MGAT4C: variants seen among roughly 807,000 people sequenced by gnomAD.
The protein encoded by MGAT4C is alpha-1,3-mannosyl-glycoprotein 4-beta-N-acetylglucosaminyltransferase C.
A neutral mutation model predicts 40.1 loss-of-function variants in MGAT4C; 19 were observed. The observed-to-expected ratio is 0.47, with a 90% CI of 0.33 to 0.70. The LOEUF (loss-of-function observed/expected upper bound fraction) is 0.70, where lower values mean the gene tolerates loss of function less well. Among genes scored for constraint, MGAT4C ranks in the 30% least tolerant of loss-of-function variants. The pLI is 0.02. For synonymous variants in MGAT4C, 181 were observed against 187.1 expected (o/e 0.97, Z 0.27); for missense variants, 491 against 563.2 (o/e 0.87, Z 1.30).
At chr12:86,479,651 T>TA (rs1348447198) in intron 2 of MGAT4C, among the ~76,000 whole-genome samples, 4 of 152,060 alleles carry the variant, frequency 2.6e-5, no homozygotes, top group African/African-American at 9.6e-5. Flanking sequence ...ACTATAGTTA[T>TA]AAAAAATGTC....
intron 3 of MGAT4C, among the ~76,000 whole-genome samples, chr12:86,366,824 A>C (rs2136207651): frequency 6.6e-6 from 1 of 152,286 alleles, no homozygotes; most frequent in South Asian, 2.1e-4. Flanking sequence ...AAACTTTCCT[A>C]GTAGCAGACT....
intron 1 of MGAT4C, among the ~76,000 whole-genome samples, chr12:86,079,510 A>C (rs1280979761): frequency 6.6e-6 from 1 of 152,122 alleles, no homozygotes; most frequent in East Asian, 1.9e-4. Flanking sequence ...GAAGTCTTAA[A>C]ATATCTAAGG....
chr12:86,493,714 A>G (rs1452399655), intron 2 of MGAT4C, among the ~76,000 whole-genome samples: 1 of 151,936 alleles, frequency 6.6e-6, no homozygotes, highest in South Asian at 2.1e-4. Flanking sequence ...GAGTTAATGG[A>G]TGCAGCACAC....
chr12:86,329,775 T>C (rs910396491), intron 4 of MGAT4C, among the ~76,000 whole-genome samples: 2 of 152,206 alleles, frequency 1.3e-5, no homozygotes, highest in African/African-American at 4.8e-5. Flanking sequence ...TATTTTAAAG[T>C]GTATATTAAA....
rs113812035 is a variant in MGAT4C, at chr12:86,056,396, C to T, written c.-56-6673G>A. 3.6e-3 allele frequency among the ~76,000 whole-genome samples: 545 copies of T among 152,200 alleles called. 3 individuals are homozygous for T. The highest frequency in any genetic ancestry group is 0.013 in the African/African-American group (520 of 41,528). ...CTATCCCTCCTCCACTCCTCCACCCCCTTAAGGCCCCAGTGTGTGATATTC... is the reference window on the plus strand; with the variant it reads ...CTATCCCTCCTCCACTCCTCCACCCTCTTAAGGCCCCAGTGTGTGATATTC... On this transcript the variant is annotated intron_variant, in intron 1 of 4. Transcript: ENST00000611864.
At chr12:86,470,356 G>A (rs1957741433) in intron 2 of MGAT4C, among the ~76,000 whole-genome samples, 1 of 151,990 alleles carries the variant, frequency 6.6e-6, no homozygotes, top group African/African-American at 2.4e-5. Flanking sequence ...AAAATATGAG[G>A]ACTGAACTTC....
chr12:86,569,705 G>C (rs1298937968), intron 2 of MGAT4C, among the ~76,000 whole-genome samples: 1 of 151,988 alleles, frequency 6.6e-6, no homozygotes, highest in Non-Finnish European at 1.5e-5. Context: ...CCAAAGAAAA[G>C]AAAACCAGTA....
chr12:86,335,945 G>A (rs1954779186), intron 3 of MGAT4C, among the ~76,000 whole-genome samples: 1 of 152,024 alleles, frequency 6.6e-6, no homozygotes, highest in Admixed American at 6.6e-5. Context: ...TCTTGCTGAA[G>A]CGTCCCACTG....
intron 2 of MGAT4C, among the ~76,000 whole-genome samples, chr12:86,589,468 A>C (rs1315339000): frequency 1.3e-5 from 2 of 152,044 alleles, no homozygotes; most frequent in African/African-American, 4.8e-5. Flanking sequence ...GAATTCTACC[A>C]GAGGTACAAG....
chr12:86,446,658 C>CATATATATATATATATATAT lies in MGAT4C; in HGVS notation c.-228-11413_-228-11394dup, dbSNP rs34157468. On this transcript the variant is annotated intron_variant, in intron 2 of 7. Coordinates refer to the MGAT4C transcript ENST00000548651. ...GGACTTAAAATTACATCATGTAACT[C>CATATATATATATATATATAT]ATATATATATATATATATATATATA... 4.2e-4 allele frequency among the ~76,000 whole-genome samples: 15 copies of CATATATATATATATATATAT among 35,320 alleles called. 2 individuals are homozygous for CATATATATATATATATATAT. Among genetic ancestry groups the CATATATATATATATATATAT allele is most frequent in the Non-Finnish European group, 7.3e-4 (13 of 17,900 alleles). 23.2% of individuals were successfully genotyped at this position (35,320 alleles called of 152,430 possible). A position where few individuals can be genotyped will look rare whatever the true frequency, so the allele number is the denominator to read the frequency against.
At chr12:86,758,568 A>T (rs1951346531) in intron 1 of MGAT4C, among the ~76,000 whole-genome samples, 1 of 152,010 alleles carries the variant, frequency 6.6e-6, no homozygotes, top group Non-Finnish European at 1.5e-5. Context: ...ACACTTAGTA[A>T]ATTTCTTATA....
At chr12:86,254,656 A>G (rs1334164250) in intron 1 of MGAT4C, among the ~76,000 whole-genome samples, 4 of 152,164 alleles carry the variant, frequency 2.6e-5, no homozygotes, top group Middle Eastern at 6.8e-3. Flanking sequence ...TTTCAAGCTC[A>G]TATTATCCAA....
chr12:86,325,629 G>A (rs940414873), intron 4 of MGAT4C, among the ~76,000 whole-genome samples: 2 of 152,140 alleles, frequency 1.3e-5, no homozygotes, highest in African/African-American at 4.8e-5. Context: ...TGTAATCCCT[G>A]CATTTTGGGA....
chr12:86,809,142 G>A (rs1415671038), intron 1 of MGAT4C, among the ~76,000 whole-genome samples: 1 of 152,018 alleles, frequency 6.6e-6, no homozygotes, highest in Non-Finnish European at 1.5e-5. Context: ...AGGACACAAA[G>A]AAATGGAAAT....
At chr12:86,823,096 C>T (rs1039606560) in intron 1 of MGAT4C, among the ~76,000 whole-genome samples, 2 of 149,696 alleles carry the variant, frequency 1.3e-5, no homozygotes, top group African/African-American at 4.9e-5. Context: ...AAAAACACAA[C>T]ACAGTAAAAC....
chr12:86,279,187 G>A (rs567034509), intron 4 of MGAT4C, among the ~76,000 whole-genome samples: 6 of 152,052 alleles, frequency 3.9e-5, no homozygotes, highest in South Asian at 4.2e-4. Context: ...GAGTTTGGAC[G>A]TATTCACTCC....
chr12:86,707,657 A>C (rs1427281144), intron 2 of MGAT4C, among the ~76,000 whole-genome samples: 1 of 151,754 alleles, frequency 6.6e-6, no homozygotes, highest in African/African-American at 2.4e-5. Context: ...CGGCCTCCCA[A>C]GTAGCTGGGG....
chr12:86,324,786 G>A (rs190704132), intron 4 of MGAT4C, among the ~76,000 whole-genome samples: 1 of 151,606 alleles, frequency 6.6e-6, no homozygotes, highest in East Asian at 2.0e-4. Flanking sequence ...CCAGATTTAT[G>A]TTGGAATGTT....
At chr12:86,587,130 T>C (rs2136442045) in intron 2 of MGAT4C, among the ~76,000 whole-genome samples, 1 of 152,138 alleles carries the variant, frequency 6.6e-6, no homozygotes, top group Non-Finnish European at 1.5e-5. Flanking sequence ...GATTTTTGTA[T>C]AAGGTGTAAG....
Sources: allele counts gnomAD v4.1 joint callset (sites outside exome capture counted in the v4.1 genomes callset), GRCh38; gene constraint gnomAD v4.1.1; transcripts MANE v1.5; gene names NCBI Gene and HGNC (gene_info 2026-07-23, HGNC 2026-07-21).